Variants in PRR14 observed in about 807,000 individuals in gnomAD.
The protein encoded by PRR14 is proline rich 14.
Under a neutral mutation model 57.2 loss-of-function variants are expected in PRR14, and 33 were observed. The ratio of observed to expected loss-of-function variants is 0.58; its 90% CI spans 0.44 to 0.77. PRR14 has a LOEUF of 0.77. Ranked by LOEUF, PRR14 falls within the 30% of genes least tolerant of loss-of-function variation. The pLI is 0.00. For synonymous variants in PRR14, 303 were observed against 314.7 expected (o/e 0.96, Z 0.39); for missense variants, 716 against 788.1 (o/e 0.91, Z 1.10).
rs1222130657 is a variant in PRR14 at position 30,654,867 on chromosome 16, C to T, written c.897C>T (p.Gly299=). The change falls in exon 8 of 12, where the codon GGC becomes GGT. Residue 299 remains glycine, a synonymous_variant. Transcript: ENST00000300835. ...SEAEQSGAAE[G]TASVSPRPPI... Reference sequence around the variant, plus strand: ...CCGAGCAGTCTGGGGCTGCTGAGGGCACTGCGTCTGTCAGCCCCCGGCCCC... The same window carrying T: ...CCGAGCAGTCTGGGGCTGCTGAGGGTACTGCGTCTGTCAGCCCCCGGCCCC... 6.5e-7 allele frequency: 1 copy of T among 1,536,806 alleles called. No individual in the cohort carries two copies. Among genetic ancestry groups the T allele is most frequent in the Non-Finnish European group, 8.8e-7 (1 of 1,135,104 alleles).
In PRR14 at chr16:30,653,043, C is replaced by T; in HGVS notation, c.444C>T (p.Ala148=). The T allele has an allele frequency of 1.2e-6, 2 of 1,613,764 alleles. No homozygotes were observed. Among genetic ancestry groups the T allele is most frequent in the Non-Finnish European group, 1.7e-6 (2 of 1,179,830 alleles). The change falls in exon 5 of 12, where the codon GCC becomes GCT. Residue 148 remains alanine (A), a synonymous_variant. Transcript: ENST00000300835. ...EEGPSQKVDR[A]PQPTLVVMLE... The stretch of plus-strand genomic sequence containing the variant: ...GCCCTTCACAAAAGGTGGACCGGGC[C>T]CCCCAGCCCACCCTGGTGGTGATGC...
Position 30,654,347 on chromosome 16 carries a change from C to A in PRR14, c.658+8C>A. ...TGGAGAGCCCACCAACAGGTAAGGACTTGGGTAGAGATCGGATGAGACTTG... is the reference window on the plus strand; with the variant it reads ...TGGAGAGCCCACCAACAGGTAAGGAATTGGGTAGAGATCGGATGAGACTTG... On this transcript the variant is annotated splice_region_variant and intron_variant, in intron 7 of 11. Transcript: ENST00000300835. 1 of 1,601,480 alleles carries A rather than the reference C, an allele frequency of 6.2e-7. No homozygotes were observed. Among genetic ancestry groups the A allele is most frequent in the Non-Finnish European group, 8.6e-7 (1 of 1,168,506 alleles).
chr16:30,653,970 T>G, intron 6 of PRR14: 1 of 422,718 alleles, frequency 2.4e-6, no homozygotes, highest in East Asian at 4.2e-5. Context: ...AGACAAGATA[T>G]TGTTTTAAAT....
Position 30,652,712 on chromosome 16 carries a change from C to T in PRR14, c.193-9C>T. ...ATCACCTTGCTCTTGACACCTCTTT[C>T]TCTTCCAGGTCCCCGTGGTGCCCTC... On this transcript the variant is annotated splice_polypyrimidine_tract_variant and intron_variant, in intron 3 of 11. Coordinates refer to ENST00000300835, the MANE Select transcript of PRR14 (RefSeq NM_024031.5). The T allele has an allele frequency of 6.2e-7, 1 of 1,614,220 alleles. No homozygotes were observed. The highest frequency in any genetic ancestry group is 2.2e-5 in the East Asian group (1 of 44,880).
chr16:30,655,451 G>A lies in PRR14; in HGVS notation c.1314+31G>A. ...CATTCAGATCGGGTAGAAGAGACTAGTGGGGGCCTGAGCCCATGTCACTCT... is the reference window on the plus strand; with the variant it reads ...CATTCAGATCGGGTAGAAGAGACTAATGGGGGCCTGAGCCCATGTCACTCT... On this transcript the variant is annotated intron_variant, in intron 9 of 11. Transcript: ENST00000300835. This position sits in a 1 kb window ranked among gnomAD's most constrained non-coding sequence, Gnocchi z 4.6. 5 of 1,613,824 alleles carry A rather than the reference G, an allele frequency of 3.1e-6. No homozygotes were observed. Among genetic ancestry groups the A allele is most frequent in the Non-Finnish European group, 4.2e-6 (5 of 1,179,710 alleles).
Position 30,656,333 on chromosome 16 carries a change from C to G in PRR14, c.*22C>G, listed in dbSNP as rs1366694473. 1.3e-6 allele frequency: 2 copies of G among 1,584,630 alleles called. No individual in the cohort carries two copies. The highest frequency in any genetic ancestry group is 2.7e-5 in the African/African-American group (2 of 73,234). On this transcript the variant is annotated 3_prime_UTR_variant, in exon 12 of 12. Coordinates refer to ENST00000300835, the MANE Select transcript of PRR14 (RefSeq NM_024031.5). ...CTAGGTGCCCCATCTGTTGGTCATC[C>G]ATCCTGAAGGGACAGGAAACCTCCC...
upstream of PRR14, chr16:30,650,855 A>C: frequency 3.1e-6 from 1 of 323,024 alleles, no homozygotes. Flanking sequence ...AGAGGGCGGG[A>C]GTGGGGGCGG....
intron 3 of PRR14, chr16:30,652,353 G>A (rs1024367540): frequency 1.8e-6 from 1 of 565,818 alleles, no homozygotes; most frequent in Non-Finnish European, 3.3e-6. Flanking sequence ...GAGCCACGGC[G>A]CTGGGCCGAA....
chr16:30,652,556 C>A, intron 3 of PRR14, 165 bp from the exon 4 acceptor site: 1 of 798,002 alleles, frequency 1.3e-6, no homozygotes, highest in Non-Finnish European at 2.1e-6. Flanking sequence ...CTCTTAATAT[C>A]TGGCCCCTAA....
chr16:30,654,575 GGCTGAGACACTGCA>G, intron 7 of PRR14, 40 bp from the exon 8 acceptor site: 1 of 1,415,054 alleles, frequency 7.1e-7, no homozygotes. Context: ...TGTGGGGAGG[GGCTGAGACACTGCA>G]GCCAAGGAAT....
chr16:30,655,097 C>G lies in PRR14; in HGVS notation c.1127C>G (p.Pro376Arg). 1 of 1,611,940 alleles carries G rather than the reference C, an allele frequency of 6.2e-7. No homozygotes were observed. The highest frequency in any genetic ancestry group is 8.5e-7 in the Non-Finnish European group (1 of 1,179,942). Residue 376 changes from proline (P) to arginine (R), a missense_variant, in exon 8 of 12, where the codon CCT becomes CGT. Coordinates refer to ENST00000300835, the MANE Select transcript of PRR14 (RefSeq NM_024031.5). This position sits in a 1 kb window ranked among gnomAD's most constrained non-coding sequence, Gnocchi z 4.6. The part of the protein sequence containing the change: ...GGEMARAPPP[P>R]RPCLRKEVFP... ...GAAATGGCCCGAGCCCCGCCACCCC[C>G]TCGGCCCTGTCTCCGGAAAGAGGTC...
In PRR14 at chr16:30,651,375, G is replaced by C. The variant is rs1401438329; in HGVS notation, c.-50-221G>C. The C allele has an allele frequency of 4.3e-6, 2 of 468,152 alleles. No individual in the cohort carries two copies. Among genetic ancestry groups the C allele is most frequent in the Non-Finnish European group, 7.6e-6 (2 of 261,932 alleles). The allele number at this position is 468,152 out of a possible 1,614,324, so 29.0% of individuals were successfully genotyped here. On this transcript the variant is annotated intron_variant, in intron 1 of 11. Transcript: ENST00000300835. This position sits in a 1 kb window ranked among gnomAD's most constrained non-coding sequence, Gnocchi z 5.0. The stretch of plus-strand genomic sequence containing the variant: ...GGGAGAACTGGGGCCGCTGCATTCT[G>C]GGTTCTGGCGGCAGGTGCCAGGCAG...
At chr16:30,653,816 G>A (rs111643373) in intron 6 of PRR14, among the ~76,000 whole-genome samples, 20 of 152,276 alleles carry the variant, frequency 1.3e-4, no homozygotes, top group African/African-American at 3.9e-4. Context: ...ACAGGCATCC[G>A]CCACAATGCC....
At position 30,653,054 on chromosome 16, in the gene PRR14, C is replaced by T. The variant is rs1431217996; in HGVS notation, c.455C>T (p.Thr152Ile). The T allele has an allele frequency of 6.2e-7, 1 of 1,613,566 alleles. No individual in the cohort carries two copies. Among genetic ancestry groups the T allele is most frequent in the Non-Finnish European group, 8.5e-7 (1 of 1,179,798 alleles). The change falls in exon 5 of 12, where the codon ACC (threonine) becomes ATC (isoleucine). Residue 152 changes from threonine (T) to isoleucine (I), a missense_variant. Coordinates refer to ENST00000300835, the MANE Select transcript of PRR14 (RefSeq NM_024031.5). Reference protein sequence around the residue: ...SQKVDRAPQPTLVVMLEDIAS... With the variant: ...SQKVDRAPQPILVVMLEDIAS... ...AAGGTGGACCGGGCCCCCCAGCCCA[C>T]CCTGGTGGTGATGCTGGAAGACATC...
In PRR14 at chr16:30,652,927, CTG is replaced by C; in HGVS notation, c.332_333del (p.Cys111PhefsTer53). On this transcript the variant is annotated frameshift_variant, in exon 5 of 12. Coordinates refer to ENST00000300835, the MANE Select transcript of PRR14 (RefSeq NM_024031.5). LOFTEE classifies it high-confidence loss of function. ...TTCCCTCGCTAGGCCTCCCGACCCT[CTG>C]TGTTTGTGTCGCGAGCCCTTGAGCC... Reference protein sequence around the residue: ...WSSQARPPDPLCLCREPLSRI... With the variant: ...WSSQARPPDPXCLCREPLSRI... 6.2e-7 allele frequency: 1 copy of C among 1,614,090 alleles called. No individual in the cohort carries two copies. Among genetic ancestry groups the C allele is most frequent in the Non-Finnish European group, 8.5e-7 (1 of 1,179,970 alleles).
Position 30,651,642 on chromosome 16 carries a change from T to G in PRR14, c.-4T>G, listed in dbSNP as rs763793103. 7 of 1,569,870 alleles carry G rather than the reference T, an allele frequency of 4.5e-6. No individual in the cohort carries two copies. Among genetic ancestry groups the G allele is most frequent in the South Asian group, 1.1e-5 (1 of 89,486 alleles). ...GGGACCCCCCCGGAGCCGCCGCGTC[T>G]CCCATGGACTTGCCCGGGGACTCCA... On this transcript the variant is annotated 5_prime_UTR_variant, in exon 2 of 12. Coordinates refer to ENST00000300835, the MANE Select transcript of PRR14 (RefSeq NM_024031.5). The surrounding 1 kb of genome is among the most constrained non-coding windows in gnomAD (Gnocchi z 5.0).
chr16:30,655,741 T>C lies in PRR14; in HGVS notation c.1407-127T>C, dbSNP rs760767767. ...GGGATGGTTTGTGCTCAAAATTGCC[T>C]GTCTGCCTTATGTAGCACTCCTGGC... On this transcript the variant is annotated intron_variant, in intron 10 of 11. Transcript: ENST00000300835. The surrounding 1 kb of genome is among the most constrained non-coding windows in gnomAD (Gnocchi z 4.6). 11 of 1,309,748 alleles carry C rather than the reference T, an allele frequency of 8.4e-6. No individual in the cohort carries two copies. The highest frequency in any genetic ancestry group is 1.7e-5 in the Admixed American group (1 of 57,342). 81.1% of individuals were successfully genotyped at this position (1,309,748 alleles called of 1,614,324 possible).
rs769258148 is a variant in PRR14, at chr16:30,654,287, C to G, written c.606C>G (p.Pro202=). Reference sequence around the variant, plus strand: ...CGCCTCCACCTGGGGACCTAGAACCCCCATTCCAGCCATCTGCTCTGCCTG... The same window carrying G: ...CGCCTCCACCTGGGGACCTAGAACCGCCATTCCAGCCATCTGCTCTGCCTG... ...QPTPPPGDLE[P]PFQPSALPAD... is the part of the protein sequence containing the mutation. The change falls in exon 7 of 12, where the codon CCC becomes CCG. Residue 202 remains proline, a synonymous_variant. Transcript: ENST00000300835. 7 of 1,614,122 alleles carry G rather than the reference C, an allele frequency of 4.3e-6. No individual in the cohort carries two copies. In the Admixed American group the frequency reaches 1.0e-4, roughly 23 times the overall value.
Position 30,654,778 on chromosome 16 carries a change from A to ACCCCCCCCCCCCC in PRR14, c.812_813insCCCCCCCCCCCCC (p.Gln272ProfsTer31). ...TGACATCTTCCTCACGCCCAACAAA[A>ACCCCCCCCCCCCC]CCCCACAGCCCCCACCCCCGTCCCC... On this transcript the variant is annotated frameshift_variant, in exon 8 of 12. Coordinates refer to ENST00000300835, the MANE Select transcript of PRR14 (RefSeq NM_024031.5). LOFTEE classifies it high-confidence loss of function. 1 of 1,610,330 alleles carries ACCCCCCCCCCCCC rather than the reference A, an allele frequency of 6.2e-7. No homozygotes were observed. The highest frequency in any genetic ancestry group is 8.5e-7 in the Non-Finnish European group (1 of 1,178,260).
Sources: allele counts gnomAD v4.1 joint callset (sites outside exome capture counted in the v4.1 genomes callset), GRCh38; gene constraint gnomAD v4.1.1; non-coding constraint Gnocchi (gnomAD v3.1); transcripts MANE v1.5; gene names NCBI Gene and HGNC (gene_info 2026-07-23, HGNC 2026-07-21).